ITGA4: variants seen among roughly 807,000 people sequenced by gnomAD.
The protein encoded by ITGA4 is integrin alpha-4.
A neutral mutation model predicts 133.6 loss-of-function variants in ITGA4; 63 were observed. The observed-to-expected ratio is 0.47, with a 90% CI of 0.38 to 0.58. The LOEUF (loss-of-function observed/expected upper bound fraction) is 0.58, where lower values mean the gene tolerates loss of function less well. ITGA4 is among the 20% of genes least tolerant of loss of function. The probability of loss-of-function intolerance (pLI) is 0.00; values close to 1 mark genes in which losing one functional copy is unlikely to be tolerated. For synonymous variants in ITGA4, 483 were observed against 438.0 expected (o/e 1.10, Z -1.28); for missense variants, 1,076 against 1,252.7 (o/e 0.86, Z 2.13).
chr2:181,533,455 T>C (rs528217379), intron 25 of ITGA4, among the ~76,000 whole-genome samples: 44 of 152,320 alleles, frequency 2.9e-4, no homozygotes, highest in Admixed American at 1.1e-3. Context: ...GTGGCCATAA[T>C]TGGCATTTTG....
chr2:181,493,818 C>A (rs1033300963), intron 11 of ITGA4, among the ~76,000 whole-genome samples: 2 of 152,098 alleles, frequency 1.3e-5, no homozygotes, highest in Admixed American at 6.6e-5. Context: ...ACATATGATT[C>A]TCTGGGTTTT....
intron 25 of ITGA4, 65 bp downstream of exon 25, chr2:181,531,841 A>G (rs56005177): frequency 0.11 from 140,522 of 1,251,788 alleles, 9,050 homozygotes; most frequent in East Asian, 0.23. Flanking sequence ...AAATTCAGTC[A>G]TATAGGCAGG....
Position 181,498,743 on chromosome 2 carries a change from A to T in ITGA4, c.1661A>T (p.Glu554Val). Residue 554 changes from glutamate (E) to valine (V), a missense_variant, in exon 15 of 28, where the codon GAA becomes GTA. This residue lies in a region of ITGA4 where 365 missense variants were observed against 421.4 expected (regional missense o/e 0.87). Transcript: ENST00000397033. Reference protein sequence around the residue: ...ITGSIQVSSREANCRTHQAFM... With the variant: ...ITGSIQVSSRVANCRTHQAFM... ...GGAAGCATACAGGTGTCCAGCAGAGAAGCTAACTGTAGAACACATCAAGCA... is the reference window on the plus strand; with the variant it reads ...GGAAGCATACAGGTGTCCAGCAGAGTAGCTAACTGTAGAACACATCAAGCA... 6.2e-7 allele frequency: 1 copy of T among 1,611,822 alleles called. No homozygotes were observed. Among genetic ancestry groups the T allele is most frequent in the Non-Finnish European group, 8.5e-7 (1 of 1,178,788 alleles).
In ITGA4 at chr2:181,457,845, A is replaced by G; in HGVS notation, c.191A>G (p.Asn64Ser). The change falls in exon 1 of 28, where the codon AAC becomes AGC. Residue 64 changes from asparagine (N) to serine (S), a missense_variant. Around this residue, in one of 4 missense-constraint regions of ITGA4, gnomAD observed 436 missense variants for 590.7 expected, o/e 0.74. Transcript: ENST00000397033. ...GTCGTGCTGCACAGCCACGGGGCGA[A>G]CCGATGGTGAGTAGAGTTGGACTGA... Reference protein sequence around the residue: ...YSVVLHSHGANRWLLVGAPTA... With the variant: ...YSVVLHSHGASRWLLVGAPTA... 1 of 1,611,446 alleles carries G rather than the reference A, an allele frequency of 6.2e-7. No homozygotes were observed. The highest frequency in any genetic ancestry group is 8.5e-7 in the Non-Finnish European group (1 of 1,178,752).
chr2:181,528,565 G>C (rs1019340139), intron 22 of ITGA4, among the ~76,000 whole-genome samples: 1 of 152,200 alleles, frequency 6.6e-6, no homozygotes, highest in Non-Finnish European at 1.5e-5. Flanking sequence ...TTGTGATTTA[G>C]ATATTTAATG....
chr2:181,458,372 C>T, intron 2 of ITGA4, 55 bp downstream of exon 2: 1 of 1,581,076 alleles, frequency 6.3e-7, no homozygotes, highest in Non-Finnish European at 8.6e-7. Flanking sequence ...CATGTGGACC[C>T]CACCATAGGG....
intron 10 of ITGA4, among the ~76,000 whole-genome samples, chr2:181,487,535 C>A (rs534725708): frequency 1.3e-5 from 2 of 152,278 alleles, no homozygotes; most frequent in Admixed American, 1.3e-4. Context: ...TCACTGATAA[C>A]TGATCTCTCC....
At chr2:181,460,396 T>C (rs1685243339) in intron 2 of ITGA4, among the ~76,000 whole-genome samples, 1 of 152,204 alleles carries the variant, frequency 6.6e-6, no homozygotes, top group Admixed American at 6.5e-5. Context: ...CAGTGGTAGC[T>C]TGAAGCTATA....
intron 15 of ITGA4, among the ~76,000 whole-genome samples, chr2:181,508,486 A>T (rs1686439885): frequency 1.3e-5 from 2 of 152,062 alleles, no homozygotes; most frequent in African/African-American, 2.4e-5. Flanking sequence ...ACTTGAGGTC[A>T]GGAATTTGAG....
rs778902267 is a variant in ITGA4, at chr2:181,495,425, G to A, written c.1385+9G>A. The A allele has an allele frequency of 1.3e-6, 2 of 1,597,564 alleles. No homozygotes were observed. The highest frequency in any genetic ancestry group is 1.7e-5 in the Admixed American group (1 of 59,906). Reference sequence around the variant, plus strand: ...TCTGCTGTCTTGCTAAGGTAAGACTGATATATTTCACTGCTTAATTGCAAT... The same window carrying A: ...TCTGCTGTCTTGCTAAGGTAAGACTAATATATTTCACTGCTTAATTGCAAT... On this transcript the variant is annotated intron_variant, in intron 13 of 27. Coordinates refer to ENST00000397033, the MANE Select transcript of ITGA4 (RefSeq NM_000885.6). The surrounding 1 kb of genome is among the most constrained non-coding windows in gnomAD (Gnocchi z 4.3).
chr2:181,460,627 A>G (rs1394890474), intron 2 of ITGA4, among the ~76,000 whole-genome samples: 3 of 146,120 alleles, frequency 2.1e-5, no homozygotes, highest in African/African-American at 5.0e-5. Flanking sequence ...AAATAGCTTC[A>G]GTTGTCCTGT....
At position 181,538,644 on chromosome 2, in the gene ITGA4, C is replaced by T. The variant is rs781111866; in HGVS notation, c.*3117C>T. ...AATTGTTCCCAAGGGAAGTTGAATG[C>T]TCTGTAAAGGCCTAATAAAAGCAAA... On this transcript the variant is annotated 3_prime_UTR_variant, in exon 28 of 28. Coordinates refer to ENST00000397033, the MANE Select transcript of ITGA4 (RefSeq NM_000885.6). 5.3e-5 allele frequency among the ~76,000 whole-genome samples: 8 copies of T among 152,196 alleles called. No individual in the cohort carries two copies. Among genetic ancestry groups the T allele is most frequent in the African/African-American group, 1.9e-4 (8 of 41,532 alleles).
At chr2:181,524,644 T>A in intron 20 of ITGA4, among the ~76,000 whole-genome samples, 1 of 152,174 alleles carries the variant, frequency 6.6e-6, no homozygotes, top group East Asian at 1.9e-4. Context: ...TCAATATATT[T>A]TTTAAAATTC....
chr2:181,500,026 T>A (rs1181034998), intron 15 of ITGA4, among the ~76,000 whole-genome samples: 1 of 152,150 alleles, frequency 6.6e-6, no homozygotes, highest in Non-Finnish European at 1.5e-5. Flanking sequence ...CAGAGGTAAG[T>A]GTTGTGTTGC....
intron 2 of ITGA4, among the ~76,000 whole-genome samples, chr2:181,461,609 C>T (rs1685280612): frequency 2.0e-5 from 3 of 152,110 alleles, no homozygotes; most frequent in Non-Finnish European, 4.4e-5. Flanking sequence ...ATAGTCCATC[C>T]ATGGACTATC....
At chr2:181,499,024 T>C in intron 15 of ITGA4, 1 of 319,392 alleles carries the variant, frequency 3.1e-6, no homozygotes, top group Non-Finnish European at 4.5e-6. Flanking sequence ...CACTTGCCTT[T>C]TCCTTTCTAA....
At chr2:181,482,811 A>G (rs1280420844) in intron 9 of ITGA4, among the ~76,000 whole-genome samples, 160 bp downstream of exon 9, 2 of 152,146 alleles carry the variant, frequency 1.3e-5, no homozygotes, top group Admixed American at 6.6e-5. Flanking sequence ...ATGGAATATG[A>G]TGATGAATGG....
intron 20 of ITGA4, 59 bp downstream of exon 20, chr2:181,524,309 G>T (rs1686789287): frequency 3.3e-6 from 3 of 912,904 alleles, no homozygotes; most frequent in Admixed American, 5.3e-5. Flanking sequence ...TGAGGGGGGG[G>T]AATTAGGAGA....
At chr2:181,489,867 C>T (rs909103314) in intron 10 of ITGA4, among the ~76,000 whole-genome samples, 2 of 152,180 alleles carry the variant, frequency 1.3e-5, no homozygotes, top group Admixed American at 1.3e-4. Context: ...ACAGACAAAA[C>T]TCTTCGGACG....
Sources: gnomAD v4.1 joint callset for allele counts (sites outside exome capture counted in the v4.1 genomes callset) on GRCh38, gnomAD v4.1.1 for gene constraint, gnomAD v4.1.1 regional missense constraint, Gnocchi (gnomAD v3.1) non-coding constraint, MANE v1.5 for transcripts, NCBI Gene and HGNC (gene_info 2026-07-23, HGNC 2026-07-21) for gene names.